PARP9: variants seen among roughly 807,000 people sequenced by gnomAD.
PARP9 encodes the protein poly(ADP-ribose) polymerase family member 9.
PARP9 carries 48 observed loss-of-function variants against 68.8 expected under a neutral mutation model. The ratio of observed to expected loss-of-function variants is 0.70; its 90% confidence interval spans 0.55 to 0.89. The LOEUF (loss-of-function observed/expected upper bound fraction) is 0.89, where lower values mean the gene tolerates loss of function less well. PARP9 is among the 40% of genes least tolerant of loss of function. The pLI is 0.00. For synonymous variants in PARP9, 309 were observed against 333.8 expected (o/e 0.93, Z 0.81); for missense variants, 806 against 969.3 (o/e 0.83, Z 2.24).
chr3:122,536,144 C>T, intron 10 of PARP9, 24 bp downstream of exon 10: 1 of 1,614,058 alleles, frequency 6.2e-7, no homozygotes, highest in South Asian at 1.1e-5. Flanking sequence ...AGAGTAGCCC[C>T]AATGATGAGG....
intron 6 of PARP9, among the ~76,000 whole-genome samples, chr3:122,549,017 AT>A (rs34551808): frequency 0.019 from 2,796 of 145,434 alleles, 43 homozygotes; most frequent in Non-Finnish European, 0.03. Flanking sequence ...GTATTAACTC[AT>A]TTTTTTTTTT....
At chr3:122,540,985 G>A in intron 7 of PARP9, 133 bp from the exon 8 acceptor site, 1 of 1,018,710 alleles carries the variant, frequency 9.8e-7, no homozygotes, top group Non-Finnish European at 1.4e-6. Context: ...CCGCCTCCCG[G>A]GTTCACGCCA....
Position 122,540,832 on chromosome 3 carries a change from C to T in PARP9, c.1405G>A (p.Glu469Lys). 6.2e-7 allele frequency: 1 copy of T among 1,613,552 alleles called. No individual in the cohort carries two copies. Among genetic ancestry groups the T allele is most frequent in the Non-Finnish European group, 8.5e-7 (1 of 1,179,750 alleles). The part of the protein sequence containing the change: ...NYSVPQSTRE[E>K]KRENGLEARS... ...GCTTCAAGCCCATTTTCTCTTTTCT[C>T]CTCTCTGGTTGACTGGGGGACTGAA... The change falls in exon 8 of 11, where the codon GAG becomes AAG. Residue 469 changes from glutamate (E) to lysine (K), a missense_variant. Glu to Lys is a moderately conservative substitution (Grantham distance 56). Coordinates refer to ENST00000682323, the MANE Select transcript of PARP9 (RefSeq NM_001146105.2).
At position 122,528,709 on chromosome 3, in the gene PARP9, C is replaced by T. The variant is rs372401310; in HGVS notation, c.2115G>A (p.Lys705=). Residue 705 remains lysine, a synonymous_variant, in exon 11 of 11, where the codon AAG becomes AAA. Transcript: ENST00000682323. ...PKYGAGIYFT[K]NLKNLAEKAK... ...CCTTCTCTGCCAGGTTTTTGAGGTT[C>T]TTGGTGAAGTATATGCCAGCTCCGT... 4.6e-5 allele frequency: 74 copies of T among 1,613,036 alleles called. No individual in the cohort carries two copies. The African/African-American group carries it at 9.1e-4, about 20-fold the overall frequency.
chr3:122,552,366 A>G (rs572117930), intron 5 of PARP9, 52 bp downstream of exon 5: 40 of 1,326,290 alleles, frequency 3.0e-5, no homozygotes, highest in Middle Eastern at 2.6e-4. Context: ...TTAAAAAAAA[A>G]AGACTGTATA....
At position 122,547,007 on chromosome 3, in the gene PARP9, T is replaced by C. The variant is rs1244854661; in HGVS notation, c.1327-1518A>G. 3.1e-4 allele frequency among the ~76,000 whole-genome samples: 34 copies of C among 110,282 alleles called. 1 individual carries two copies. Among genetic ancestry groups the C allele is most frequent in the South Asian group, 1.5e-3 (5 of 3,432 alleles). The allele number at this position is 110,282 out of a possible 152,430, so 72.3% of individuals were successfully genotyped here. A position where few individuals can be genotyped will look rare whatever the true frequency, so the allele number is the denominator to read the frequency against. On this transcript the variant is annotated intron_variant, in intron 6 of 10. Coordinates refer to ENST00000682323, the MANE Select transcript of PARP9 (RefSeq NM_001146105.2). ...ATATATATATATATATATATATATA[T>C]ATATATACACACACACACATACACA... is the stretch of plus-strand genomic sequence containing the variant.
chr3:122,564,759 C>T (rs2080526893), upstream of PARP9: 1 of 1,021,980 alleles, frequency 9.8e-7, no homozygotes, highest in Non-Finnish European at 1.4e-6. Context: ...GGCCCTACTG[C>T]CAAGAGACTC....
Position 122,532,023 on chromosome 3 carries a change from G to A in PARP9, c.2081-3280C>T, listed in dbSNP as rs548620814. On this transcript the variant is annotated intron_variant, in intron 10 of 10. Coordinates refer to ENST00000682323, the MANE Select transcript of PARP9 (RefSeq NM_001146105.2). ...AGGGGGCAGAACAATGGAAATCTCG[G>A]AATAAGAACAATTGGAGGGACTCAC... 5.6e-3 allele frequency: 2,746 copies of A among 486,026 alleles called. 21 individuals are homozygous for A. The highest frequency in any genetic ancestry group is 6.8e-3 in the Non-Finnish European group (2,528 of 373,754). 30.1% of individuals were successfully genotyped at this position (486,026 alleles called of 1,614,324 possible).
At chr3:122,539,054 T>C (rs891451713) in intron 8 of PARP9, among the ~76,000 whole-genome samples, 1 of 152,212 alleles carries the variant, frequency 6.6e-6, no homozygotes, top group Non-Finnish European at 1.5e-5. Context: ...ATGATCTTTC[T>C]AAAAACACAA....
chr3:122,531,370 G>C (rs1359755060), intron 10 of PARP9, among the ~76,000 whole-genome samples: 1 of 152,154 alleles, frequency 6.6e-6, no homozygotes, highest in Non-Finnish European at 1.5e-5. Context: ...CTTGCTCTTT[G>C]TTCTTCCACC....
At chr3:122,560,066 T>C (rs1301131328) in intron 1 of PARP9, among the ~76,000 whole-genome samples, 1 of 152,136 alleles carries the variant, frequency 6.6e-6, no homozygotes, top group Non-Finnish European at 1.5e-5. Context: ...GAGAACAGCA[T>C]TCAAAGAACA....
intron 1 of PARP9, 112 bp downstream of exon 1, chr3:122,564,133 A>G (rs2107773289): frequency 2.2e-6 from 1 of 456,578 alleles, no homozygotes; most frequent in Non-Finnish European, 3.9e-6. Context: ...GTCTACTCAC[A>G]AGGGAGGCCT....
chr3:122,528,893 A>G, intron 10 of PARP9, 150 bp from the exon 11 acceptor site: 2 of 780,868 alleles, frequency 2.6e-6, no homozygotes, highest in Non-Finnish European at 1.9e-6. Context: ...AAGACACTCA[A>G]AATTGTTCCT....
intron 6 of PARP9, among the ~76,000 whole-genome samples, chr3:122,547,970 T>C (rs1364453951): frequency 6.6e-6 from 1 of 152,200 alleles, no homozygotes; most frequent in Non-Finnish European, 1.5e-5. Context: ...GACAGGATTA[T>C]TCATTTTATC....
chr3:122,543,803 G>C (rs933876455), intron 7 of PARP9, among the ~76,000 whole-genome samples: 4 of 149,374 alleles, frequency 2.7e-5, no homozygotes, highest in Non-Finnish European at 4.5e-5. Context: ...GTAGAGATGG[G>C]TTTTAACATC....
In PARP9 at chr3:122,528,700, T is replaced by C. The variant is rs1339097343; in HGVS notation, c.2124A>G (p.Lys708=). The part of the protein sequence containing the change: ...GAGIYFTKNL[K]NLAEKAKKIS... ...TTTTCTTGGCCTTCTCTGCCAGGTT[T>C]TTGAGGTTCTTGGTGAAGTATATGC... The change falls in exon 11 of 11, where the codon AAA becomes AAG. Residue 708 remains lysine, a synonymous_variant. Transcript: ENST00000682323. The C allele has an allele frequency of 6.2e-7, 1 of 1,613,814 alleles. No individual in the cohort carries two copies. The highest frequency in any genetic ancestry group is 1.1e-5 in the South Asian group (1 of 91,040).
Position 122,556,133 on chromosome 3 carries a change from GAGAAGATTAA to G in PARP9, c.50-22_50-13del. On this transcript the variant is annotated splice_polypyrimidine_tract_variant and intron_variant, in intron 3 of 10. Transcript: ENST00000682323. ...AAGAGCACCAGTCTCTGGAAAAGAA[GAGAAGATTAA>G]AAAAAAAAAAAAAAAAAAAAAAAAA... 5.9e-6 allele frequency: 1 copy of G among 169,074 alleles called. No homozygotes were observed. The highest frequency in any genetic ancestry group is 1.1e-5 in the Non-Finnish European group (1 of 94,362). 10.5% of individuals were successfully genotyped at this position (169,074 alleles called of 1,614,324 possible). A position where few individuals can be genotyped will look rare whatever the true frequency, so the allele number is the denominator to read the frequency against.
chr3:122,535,800 C>T (rs16833168), intron 10 of PARP9: 144,653 of 1,043,900 alleles, frequency 0.14, 10,588 homozygotes, highest in Middle Eastern at 0.25. Context: ...GGGATGAGGA[C>T]GGTTCAGTGC....
At chr3:122,547,296 T>A (rs1013897793) in intron 6 of PARP9, among the ~76,000 whole-genome samples, 16 of 151,104 alleles carry the variant, frequency 1.1e-4, no homozygotes, top group Non-Finnish European at 2.4e-4. Context: ...GGTTTCACCA[T>A]GTTGGCCAGA....
Sources: allele counts gnomAD v4.1 joint callset (sites outside exome capture counted in the v4.1 genomes callset), GRCh38; gene constraint gnomAD v4.1.1; transcripts MANE v1.5; gene names NCBI Gene and HGNC (gene_info 2026-07-23, HGNC 2026-07-21).